Variants in KCNQ1 observed in about 807,000 individuals in gnomAD.
The protein encoded by KCNQ1 is potassium voltage-gated channel subfamily KQT member 1.
A neutral mutation model predicts 72.4 loss-of-function variants in KCNQ1; 49 were observed. The observed-to-expected ratio is 0.68, with a 90% CI of 0.54 to 0.86. The LOEUF is 0.86. Among genes scored for constraint, KCNQ1 ranks in the 40% least tolerant of loss-of-function variants. The probability of loss-of-function intolerance (pLI) is 0.00; values close to 1 mark genes in which losing one functional copy is unlikely to be tolerated. For missense variants in KCNQ1, 790 were observed against 945.1 expected (o/e 0.84, Z 2.15); for synonymous variants, 450 against 412.6 (o/e 1.09, Z -1.10).
At position 2,537,191 on chromosome 11, in the gene KCNQ1, G is replaced by T. The variant is rs1847746863; in HGVS notation, c.477+9173G>T. Among the ~76,000 whole-genome samples the T allele has an allele frequency of 6.6e-6, 1 of 151,944 alleles. No homozygotes were observed. Among genetic ancestry groups the T allele is most frequent in the Non-Finnish European group, 1.5e-5 (1 of 68,034 alleles). ...TGGCCCACAGGGTGGCTCCCTGTGT[G>T]TGTAAATAAAGCTTTATTAGCACAC... On this transcript the variant is annotated intron_variant, in intron 2 of 15. Transcript: ENST00000155840. This position sits in a 1 kb window ranked among gnomAD's most constrained non-coding sequence, Gnocchi z 5.2.
rs1412217763 is a variant in KCNQ1 at position 2,544,316 on chromosome 11, ATATC to A, written c.477+16302_477+16305del. On this transcript the variant is annotated intron_variant, in intron 2 of 15. Coordinates refer to ENST00000155840, the MANE Select transcript of KCNQ1 (RefSeq NM_000218.3). This position sits in a 1 kb window ranked among gnomAD's most constrained non-coding sequence, Gnocchi z 4.4. ...TATGTATATATGTGTATATATGTAT[ATATC>A]TATGTATATATATGTGTATGTATAT... Among the ~76,000 whole-genome samples the A allele has an allele frequency of 9.9e-4, 144 of 145,530 alleles. No homozygotes were observed. The highest frequency in any genetic ancestry group is 3.5e-3 in the African/African-American group (136 of 39,018).
chr11:2,516,237 C>T lies in KCNQ1; in HGVS notation c.387-11691C>T, dbSNP rs1035842376. ...TGACTTGAGGCAGGTCCCTTAACCT[C>T]TCTGAGCTTCCTCCTCTCCTGTGAA... On this transcript the variant is annotated intron_variant, in intron 1 of 15. Transcript: ENST00000155840. This position sits in a 1 kb window ranked among gnomAD's most constrained non-coding sequence, Gnocchi z 7.0. Among the ~76,000 whole-genome samples the T allele has an allele frequency of 6.6e-6, 1 of 152,110 alleles. No homozygotes were observed. The highest frequency in any genetic ancestry group is 2.4e-5 in the African/African-American group (1 of 41,412).
Position 2,612,931 on chromosome 11 carries a change from C to T in KCNQ1, c.1393+24077C>T. The T allele has an allele frequency of 2.5e-6, 1 of 398,602 alleles. No homozygotes were observed. The highest frequency in any genetic ancestry group is 4.4e-6 in the Non-Finnish European group (1 of 226,054). The allele number at this position is 398,602 out of a possible 1,614,324, so 24.7% of individuals were successfully genotyped here. A position where few individuals can be genotyped will look rare whatever the true frequency, so the allele number is the denominator to read the frequency against. ...GTTTGCTCGCTTGTGTATGCCTTCT[C>T]TGCATGGATTCTGCAGAGTCTGTGT... On this transcript the variant is annotated intron_variant, in intron 10 of 15. Transcript: ENST00000155840. The surrounding 1 kb of genome is among the most constrained non-coding windows in gnomAD (Gnocchi z 5.5).
intron 2 of KCNQ1, among the ~76,000 whole-genome samples, chr11:2,557,706 C>G (rs1848093507): frequency 6.6e-6 from 1 of 152,180 alleles, no homozygotes; most frequent in Admixed American, 6.5e-5. Flanking sequence ...CCTCACATCT[C>G]AGAAATGAAC....
chr11:2,843,807 T>C (rs1443907458), intron 15 of KCNQ1, among the ~76,000 whole-genome samples: 1 of 152,258 alleles, frequency 6.6e-6, no homozygotes, highest in Admixed American at 6.5e-5. Context: ...AATTGCTTTT[T>C]TCTCTTCCGA....
rs552844474 is a variant in KCNQ1, at chr11:2,613,163, A to T, written c.1393+24309A>T. On this transcript the variant is annotated intron_variant, in intron 10 of 15. Coordinates refer to ENST00000155840, the MANE Select transcript of KCNQ1 (RefSeq NM_000218.3). This position sits in a 1 kb window ranked among gnomAD's most constrained non-coding sequence, Gnocchi z 4.8. ...TGAGGGGATCTATGTGTGGGTTGGG[A>T]CATTCAAAGTTCAGGCACTTTATAA... The T allele has an allele frequency of 2.5e-6, 1 of 398,534 alleles. No homozygotes were observed. Among genetic ancestry groups the T allele is most frequent in the South Asian group, 1.3e-4 (1 of 7,856 alleles). The allele number at this position is 398,534 out of a possible 1,614,324, so 24.7% of individuals were successfully genotyped here.
chr11:2,828,081 C>T lies in KCNQ1; in HGVS notation c.1795-19686C>T, dbSNP rs1400049632. Among the ~76,000 whole-genome samples, 1 of 152,210 alleles carries T rather than the reference C, an allele frequency of 6.6e-6. No homozygotes were observed. Among genetic ancestry groups the T allele is most frequent in the Admixed American group, 6.5e-5 (1 of 15,290 alleles). On this transcript the variant is annotated intron_variant, in intron 15 of 15. Transcript: ENST00000155840. This position sits in a 1 kb window ranked among gnomAD's most constrained non-coding sequence, Gnocchi z 5.3. ...CAGGACAAAGGCTGGCAGCACCACACAGGAGCCAGCAGGGAAGGGGCCACA... is the reference window on the plus strand; with the variant it reads ...CAGGACAAAGGCTGGCAGCACCACATAGGAGCCAGCAGGGAAGGGGCCACA...
At position 2,661,605 on chromosome 11, in the gene KCNQ1, T is replaced by C; in HGVS notation, c.1394-356T>C. 1 of 580,856 alleles carries C rather than the reference T, an allele frequency of 1.7e-6. No homozygotes were observed. Among genetic ancestry groups the C allele is most frequent in the Non-Finnish European group, 3.1e-6 (1 of 326,346 alleles). The allele number at this position is 580,856 out of a possible 1,614,324, so 36.0% of individuals were successfully genotyped here. A position where few individuals can be genotyped will look rare whatever the true frequency, so the allele number is the denominator to read the frequency against. On this transcript the variant is annotated intron_variant, in intron 10 of 15. Coordinates refer to ENST00000155840, the MANE Select transcript of KCNQ1 (RefSeq NM_000218.3). The surrounding 1 kb of genome is among the most constrained non-coding windows in gnomAD (Gnocchi z 5.9). ...GAGCTGTTGTCCCTTACCAGGCCTGTGCCTGTCACCTCTGTTTTATTCTTG... is the reference window on the plus strand; with the variant it reads ...GAGCTGTTGTCCCTTACCAGGCCTGCGCCTGTCACCTCTGTTTTATTCTTG...
rs1239016489 is a variant in KCNQ1 at position 2,463,750 on chromosome 11, G to A, written c.386+18266G>A. 2.6e-5 allele frequency among the ~76,000 whole-genome samples: 4 copies of A among 152,234 alleles called. No individual in the cohort carries two copies. Among genetic ancestry groups the A allele is most frequent in the South Asian group, 2.1e-4 (1 of 4,838 alleles). ...GTTTGTGCAACTCGAGTTTCAGAGT[G>A]GCGGCCTCTGCTCCTCACAAGACAT... On this transcript the variant is annotated intron_variant, in intron 1 of 15. Transcript: ENST00000155840. This position sits in a 1 kb window ranked among gnomAD's most constrained non-coding sequence, Gnocchi z 7.0.
chr11:2,479,188 C>T lies in KCNQ1; in HGVS notation c.386+33704C>T, dbSNP rs557064069. Among the ~76,000 whole-genome samples, 1 of 152,320 alleles carries T rather than the reference C, an allele frequency of 6.6e-6. No homozygotes were observed. The highest frequency in any genetic ancestry group is 1.5e-5 in the Non-Finnish European group (1 of 68,032). On this transcript the variant is annotated intron_variant, in intron 1 of 15. Coordinates refer to ENST00000155840, the MANE Select transcript of KCNQ1 (RefSeq NM_000218.3). The surrounding 1 kb of genome is among the most constrained non-coding windows in gnomAD (Gnocchi z 4.6). ...CTGCAGCTTTTCCAGGCACATGGTGCAAGCTGTTGATGGATCTATCATTCT... is the reference window on the plus strand; with the variant it reads ...CTGCAGCTTTTCCAGGCACATGGTGTAAGCTGTTGATGGATCTATCATTCT...
In KCNQ1 at chr11:2,622,341, ATTTC is replaced by A. The variant is rs1263307478; in HGVS notation, c.1393+33491_1393+33494del. On this transcript the variant is annotated intron_variant, in intron 10 of 15. Transcript: ENST00000155840. ...TATAACAATTTTTAAATTCAAGTTT[ATTTC>A]TTTTATTAGTATAATTACCTCCAGC... 69 of 398,204 alleles carry A rather than the reference ATTTC, an allele frequency of 1.7e-4. No homozygotes were observed. In the East Asian group the frequency reaches 2.4e-3, roughly 14 times the overall value. The allele number at this position is 398,204 out of a possible 1,614,324, so 24.7% of individuals were successfully genotyped here. A position where few individuals can be genotyped will look rare whatever the true frequency, so the allele number is the denominator to read the frequency against.
chr11:2,835,905 G>A (rs927901930), intron 15 of KCNQ1, among the ~76,000 whole-genome samples: 2 of 152,290 alleles, frequency 1.3e-5, no homozygotes, highest in East Asian at 1.9e-4. Context: ...GCAGAGCACC[G>A]TGTGGGGTAA....
intron 1 of KCNQ1, chr11:2,521,357 G>C: frequency 2.8e-6 from 1 of 357,306 alleles, no homozygotes; most frequent in South Asian, 2.1e-5. Context: ...TTGCGCTTCT[G>C]TGACTGGCAC....
chr11:2,776,069 A>G lies in KCNQ1; in HGVS notation c.1685+15A>G, dbSNP rs1204287168. 2 of 1,547,174 alleles carry G rather than the reference A, an allele frequency of 1.3e-6. No homozygotes were observed. The highest frequency in any genetic ancestry group is 3.9e-5 in the Admixed American group (2 of 51,070). ...CTGCAGAGGAGGTGGGCACGGCCAA[A>G]CGGCAGCGGGGAGGGTGCCCAGGTC... On this transcript the variant is annotated intron_variant, in intron 13 of 15. Transcript: ENST00000155840.
At chr11:2,572,686 T>G (rs966876599) in intron 5 of KCNQ1, among the ~76,000 whole-genome samples, 160 bp from the exon 6 acceptor site, 2 of 152,184 alleles carry the variant, frequency 1.3e-5, no homozygotes, top group African/African-American at 4.8e-5. Context: ...ACCGGAGTTG[T>G]GAGGAGTGGG....
At chr11:2,733,814 A>ACACACACACACTCTCTCTCTCTCTCTCT in intron 11 of KCNQ1, among the ~76,000 whole-genome samples, 2 of 86,662 alleles carry the variant, frequency 2.3e-5, no homozygotes, top group Admixed American at 1.2e-4. Flanking sequence ...ACACACACAC[A>ACACACACACACTCTCTCTCTCTCTCTCT]CTCTCTCACT....
intron 2 of KCNQ1, among the ~76,000 whole-genome samples, chr11:2,539,953 C>T (rs367770426): frequency 7.2e-5 from 11 of 152,310 alleles, no homozygotes; most frequent in East Asian, 5.8e-4. Flanking sequence ...TCGCTTGAAG[C>T]GCAGGGCAGC....
At chr11:2,699,509 CCCCCAGGAGAGTGCCGCGCTGAGGAG>C (rs1850739485) in intron 11 of KCNQ1, 3 of 178,794 alleles carry the variant, frequency 1.7e-5, no homozygotes, top group Non-Finnish European at 2.7e-5. Flanking sequence ...CGCTGAGGAG[CCCCCAGGAGAGTGCCGCGCTGAGGAG>C]GCCCAGGGAG....
chr11:2,835,397 TCACACACA>T (rs36227626), intron 15 of KCNQ1, among the ~76,000 whole-genome samples: 2,555 of 130,550 alleles, frequency 0.02, 17 homozygotes, highest in South Asian at 0.025. Flanking sequence ...AAACCCTGAC[TCACACACA>T]CACACACACA....
Sources: allele counts gnomAD v4.1 joint callset (sites outside exome capture counted in the v4.1 genomes callset), GRCh38; gene constraint gnomAD v4.1.1; non-coding constraint Gnocchi (gnomAD v3.1); transcripts MANE v1.5; gene names NCBI Gene and HGNC (gene_info 2026-07-23, HGNC 2026-07-21).